GPHN: variants seen among roughly 807,000 people sequenced by gnomAD.
GPHN encodes gephyrin.
GPHN carries 17 observed loss-of-function variants against 95.5 expected under a neutral mutation model. The observed-to-expected ratio is 0.18, with a 90% CI of 0.12 to 0.27. GPHN has a LOEUF of 0.27. Ranked by LOEUF, GPHN falls within the 10% of genes least tolerant of loss-of-function variation. The pLI, the probability that GPHN is intolerant of heterozygous loss-of-function variation, is 1.00. For missense variants in GPHN, 660 were observed against 978.1 expected (o/e 0.67, Z 4.34); for synonymous variants, 320 against 322.5 (o/e 0.99, Z 0.08).
intron 4 of GPHN, among the ~76,000 whole-genome samples, chr14:66,841,172 C>G (rs922228468): frequency 6.6e-6 from 1 of 151,862 alleles, no homozygotes; most frequent in African/African-American, 2.4e-5. Flanking sequence ...AACAAGTAAA[C>G]TCTATAGAAC....
chr14:67,649,245 G>C, the GPHN span: 3 of 152,150 alleles, frequency 2.0e-5, no homozygotes, highest in Non-Finnish European at 4.4e-5. Context: ...CATGGGGCTA[G>C]GCACAGTGGT....
chr14:66,592,028 G>T (rs908624959), intron 1 of GPHN, among the ~76,000 whole-genome samples: 1 of 151,914 alleles, frequency 6.6e-6, no homozygotes, highest in African/African-American at 2.4e-5. Flanking sequence ...CTTATCTTTG[G>T]CAAACTTGAC....
intron 4 of GPHN, among the ~76,000 whole-genome samples, chr14:66,827,972 T>G (rs1326725808): frequency 1.3e-5 from 2 of 152,072 alleles, no homozygotes; most frequent in Admixed American, 1.3e-4. Context: ...TGAGGTGCTC[T>G]TATATTCATA....
chr14:66,623,487 G>A (rs904017012), intron 1 of GPHN, among the ~76,000 whole-genome samples: 1 of 152,136 alleles, frequency 6.6e-6, no homozygotes, highest in South Asian at 2.1e-4. Flanking sequence ...GTGTGGTGAT[G>A]TGCACCTGTA....
chr14:67,106,790 T>G (rs1210763020), intron 13 of GPHN, among the ~76,000 whole-genome samples: 2 of 152,230 alleles, frequency 1.3e-5, no homozygotes, highest in East Asian at 3.8e-4. Context: ...CTTAAGATCA[T>G]TATTTTGCAA....
intron 1 of GPHN, among the ~76,000 whole-genome samples, chr14:66,660,342 T>A (rs1159727643): frequency 6.6e-6 from 1 of 152,208 alleles, no homozygotes; most frequent in Non-Finnish European, 1.5e-5. Context: ...CATTCAAACA[T>A]AAAAGCCCAA....
rs185118772 is a variant in GPHN, at chr14:66,526,167, G to A, written c.64+17576G>A. On this transcript the variant is annotated intron_variant, in intron 1 of 22. Transcript: ENST00000478722. ...GTGTCCTCTCTTATTTCCTTGAGCA[G>A]TGGTTTGTAGTTCTCCTTAAAGAGG... Among the ~76,000 whole-genome samples, 244 of 152,236 alleles carry A rather than the reference G, an allele frequency of 1.6e-3. 2 individuals carry two copies. The highest frequency in any genetic ancestry group is 5.8e-3 in the African/African-American group (241 of 41,542).
At chr14:67,205,130 A>T in the GPHN span, 1 of 1,507,472 alleles carries the variant, frequency 6.6e-7, no homozygotes, top group Non-Finnish European at 8.9e-7. Flanking sequence ...ATAATCGAGA[A>T]CTAGAGGGGT....
chr14:67,291,812 T>C, the GPHN span, among the ~76,000 whole-genome samples: 4 of 152,140 alleles, frequency 2.6e-5, no homozygotes, highest in African/African-American at 9.7e-5. Flanking sequence ...TTTTTAAAAA[T>C]AATAATATCA....
intron 3 of GPHN, among the ~76,000 whole-genome samples, chr14:66,797,909 A>C (rs970389300): frequency 1.3e-5 from 2 of 151,986 alleles, no homozygotes; most frequent in African/African-American, 4.8e-5. Context: ...ACCAGATCTT[A>C]GAGGAAGGGC....
intron 2 of GPHN, among the ~76,000 whole-genome samples, chr14:66,752,029 T>C (rs776835847): frequency 6.6e-6 from 1 of 152,152 alleles, no homozygotes; most frequent in Non-Finnish European, 1.5e-5. Context: ...CGTATGTTTT[T>C]GTTACAGATA....
chr14:67,031,600 T>A (rs1056986212), intron 10 of GPHN, among the ~76,000 whole-genome samples: 1 of 152,170 alleles, frequency 6.6e-6, no homozygotes, highest in African/African-American at 2.4e-5. Context: ...TACTAGGTTC[T>A]CGAAATTTAA....
At chr14:67,579,202 G>T in the GPHN span, 1 of 1,611,182 alleles carries the variant, frequency 6.2e-7, no homozygotes, top group African/African-American at 1.3e-5. Context: ...ACCGGGGAGC[G>T]GGAAGCCAGG....
chr14:67,229,455 T>C, the GPHN span, among the ~76,000 whole-genome samples: 2 of 152,226 alleles, frequency 1.3e-5, no homozygotes, highest in South Asian at 4.1e-4. Context: ...CTAGTGTGAC[T>C]GAGAAGCTGA....
the GPHN span, chr14:67,574,284 C>G: frequency 3.1e-6 from 5 of 1,608,674 alleles, no homozygotes; most frequent in African/African-American, 5.3e-5. This position sits in a 1 kb window ranked among gnomAD's most constrained non-coding sequence, Gnocchi z 4.2. Context: ...GGCCGATTCA[C>G]CCAGCCTGCT....
In GPHN at chr14:66,644,977, G is replaced by T. The variant is rs188681855; in HGVS notation, c.65-36130G>T. Among the ~76,000 whole-genome samples, 589 of 152,120 alleles carry T rather than the reference G, an allele frequency of 3.9e-3. 3 individuals carry two copies. Among genetic ancestry groups the T allele is most frequent in the Middle Eastern group, 0.014 (4 of 294 alleles). On this transcript the variant is annotated intron_variant, in intron 1 of 22. Coordinates refer to ENST00000478722, the MANE Select transcript of GPHN (RefSeq NM_020806.5). The stretch of plus-strand genomic sequence containing the variant: ...TTGTTTGCCATACTGTTTCATGTTT[G>T]GAAGTCTGTTTATGTTTATCCTTTC...
chr14:66,957,626 G>A (rs1226554105), intron 8 of GPHN, among the ~76,000 whole-genome samples: 1 of 152,106 alleles, frequency 6.6e-6, no homozygotes, highest in Admixed American at 6.5e-5. Flanking sequence ...ATATCCTCAT[G>A]TTCACTTCAG....
the GPHN span, among the ~76,000 whole-genome samples, chr14:67,730,156 C>T: frequency 4.4e-3 from 670 of 152,298 alleles, 34 homozygotes; most frequent in East Asian, 0.1. Context: ...CCCTGCGAGG[C>T]AGGTAATATT....
At chr14:67,639,924 CAAAAAAA>C in the GPHN span, among the ~76,000 whole-genome samples, 14 of 61,834 alleles carry the variant, frequency 2.3e-4, no homozygotes, top group African/African-American at 9.7e-4. Context: ...GACCCTGTCT[CAAAAAAA>C]AAAAAAAAAA....
Sources: gnomAD v4.1 joint callset for allele counts (sites outside exome capture counted in the v4.1 genomes callset) on GRCh38, gnomAD v4.1.1 for gene constraint, Gnocchi (gnomAD v3.1) non-coding constraint, MANE v1.5 for transcripts, NCBI Gene and HGNC (gene_info 2026-07-23, HGNC 2026-07-21) for gene names.